The following PICK1 variants were observed in gnomAD, a reference collection of about 807,000 sequenced individuals.
The protein encoded by PICK1 is PRKCA-binding protein.
Under a neutral mutation model 48.9 loss-of-function variants are expected in PICK1, and 23 were observed. That is an observed-to-expected ratio of 0.47 (90% confidence interval 0.34 to 0.67). The LOEUF (loss-of-function observed/expected upper bound fraction) is 0.67. PICK1 is among the 30% of genes least tolerant of loss of function. The pLI is 0.01. For synonymous variants in PICK1, 217 were observed against 228.2 expected (o/e 0.95, Z 0.44); for missense variants, 423 against 557.1 (o/e 0.76, Z 2.42).
Position 38,074,876 on chromosome 22 carries a change from T to C in PICK1, c.992T>C (p.Val331Ala). The C allele has an allele frequency of 1.9e-6, 3 of 1,612,526 alleles. No homozygotes were observed. The highest frequency in any genetic ancestry group is 2.5e-6 in the Non-Finnish European group (3 of 1,179,990). The part of the protein sequence containing the change: ...LLDQKHVQDI[V>A]FQLQRLVSTM... ...CCTCCCACCCCAGTCCAGGACATCG[T>C]GTTCCAGCTGCAGCGCCTCGTGTCC... The change falls in exon 13 of 13, where the codon GTG becomes GCG. Residue 331 changes from valine (V) to alanine (A), a missense_variant. Around this residue, in one of 2 missense-constraint regions of PICK1, gnomAD observed 144 missense variants for 139.3 expected, o/e 1.03. Transcript: ENST00000356976. This position sits in a 1 kb window ranked among gnomAD's most constrained non-coding sequence, Gnocchi z 4.5.
chr22:38,058,008 T>C (rs2085312201), intron 2 of PICK1, 158 bp downstream of exon 2: 1 of 715,302 alleles, frequency 1.4e-6, no homozygotes, highest in Admixed American at 2.0e-5. Context: ...TCACTATTTG[T>C]AGGGGGCTGT....
chr22:38,069,529 T>G (rs915497707), intron 6 of PICK1, among the ~76,000 whole-genome samples: 3 of 152,146 alleles, frequency 2.0e-5, no homozygotes, highest in Admixed American at 6.5e-5. Flanking sequence ...GGGGGAGGCG[T>G]GTACATGCAC....
chr22:38,060,080 G>A (rs1269951208), intron 3 of PICK1, among the ~76,000 whole-genome samples: 3 of 152,188 alleles, frequency 2.0e-5, no homozygotes, highest in East Asian at 1.9e-4. Flanking sequence ...GCGTGGTGGT[G>A]CACGCCTGTA....
Position 38,074,215 on chromosome 22 carries a change from G to A in PICK1, c.835-92G>A. 6.9e-7 allele frequency: 1 copy of A among 1,452,914 alleles called. No homozygotes were observed. Among genetic ancestry groups the A allele is most frequent in the Non-Finnish European group, 9.6e-7 (1 of 1,042,286 alleles). The allele number at this position is 1,452,914 out of a possible 1,614,324, so 90.0% of individuals were successfully genotyped here. ...GAAACACTGAAGTCTCAGAAATGAG[G>A]TCTCAGGAATGAAGAACAGCCGTGG... On this transcript the variant is annotated intron_variant, in intron 11 of 12. Coordinates refer to ENST00000356976, the MANE Select transcript of PICK1 (RefSeq NM_012407.4). The surrounding 1 kb of genome is among the most constrained non-coding windows in gnomAD (Gnocchi z 4.5).
chr22:38,074,801 G>T lies in PICK1; in HGVS notation c.980-63G>T. 1 of 1,592,138 alleles carries T rather than the reference G, an allele frequency of 6.3e-7. No homozygotes were observed. Among genetic ancestry groups the T allele is most frequent in the African/African-American group, 1.3e-5 (1 of 74,876 alleles). The stretch of plus-strand genomic sequence containing the variant: ...GAGGTGGGCCGGGTGGGCTGGGAGA[G>T]TCTCCTCCCTGAGGCAGGCAGCCAG... On this transcript the variant is annotated intron_variant, in intron 12 of 12. Coordinates refer to ENST00000356976, the MANE Select transcript of PICK1 (RefSeq NM_012407.4). This position sits in a 1 kb window ranked among gnomAD's most constrained non-coding sequence, Gnocchi z 4.5.
At chr22:38,060,270 G>C (rs751767675) in intron 3 of PICK1, among the ~76,000 whole-genome samples, 1 of 152,182 alleles carries the variant, frequency 6.6e-6, no homozygotes, top group Non-Finnish European at 1.5e-5. Context: ...TATTTTCCAG[G>C]TAGCTGTACA....
Position 38,066,727 on chromosome 22 carries a change from T to C in PICK1, c.283-977T>C, listed in dbSNP as rs1445418904. ...CTGATTGCATCTGCTCATTTTGGTT[T>C]CCCTTTGGGACTTGATTTTAAAATC... On this transcript the variant is annotated intron_variant, in intron 4 of 12. Coordinates refer to ENST00000356976, the MANE Select transcript of PICK1 (RefSeq NM_012407.4). The surrounding 1 kb of genome is among the most constrained non-coding windows in gnomAD (Gnocchi z 4.1). Among the ~76,000 whole-genome samples the C allele has an allele frequency of 6.6e-6, 1 of 152,268 alleles. No homozygotes were observed. Among genetic ancestry groups the C allele is most frequent in the African/African-American group, 2.4e-5 (1 of 41,476 alleles).
chr22:38,058,106 G>A (rs903303789), intron 2 of PICK1: 2 of 555,850 alleles, frequency 3.6e-6, no homozygotes, highest in Non-Finnish European at 6.5e-6. Context: ...AGATGGAGCA[G>A]TGCTTCTGCT....
intron 6 of PICK1, 44 bp from the exon 7 acceptor site, chr22:38,070,794 C>A (rs761405584): frequency 6.3e-6 from 10 of 1,586,518 alleles, no homozygotes; most frequent in Non-Finnish European, 7.8e-6. Flanking sequence ...CCTCCTGTGG[C>A]TTGCTGAGCC....
chr22:38,063,558 G>T (rs1179161214), intron 3 of PICK1, among the ~76,000 whole-genome samples: 1 of 151,778 alleles, frequency 6.6e-6, no homozygotes, highest in Non-Finnish European at 1.5e-5. Flanking sequence ...ATATATTCTG[G>T]ATATTAATCC....
chr22:38,073,670 C>A lies in PICK1; in HGVS notation c.784-103C>A. ...GCTGCCCGCTCTGGGACTCCCTGAA[C>A]ACCTGCGCCAGCCTCTCCTGCTGCG... is the stretch of plus-strand genomic sequence containing the variant. On this transcript the variant is annotated intron_variant, in intron 10 of 12. Transcript: ENST00000356976. This position sits in a 1 kb window ranked among gnomAD's most constrained non-coding sequence, Gnocchi z 5.7. 1 of 1,074,584 alleles carries A rather than the reference C, an allele frequency of 9.3e-7. No individual in the cohort carries two copies. Among genetic ancestry groups the A allele is most frequent in the Non-Finnish European group, 1.4e-6 (1 of 691,218 alleles). The allele number at this position is 1,074,584 out of a possible 1,614,324, so 66.6% of individuals were successfully genotyped here.
chr22:38,062,847 G>A (rs1392268938), intron 3 of PICK1, among the ~76,000 whole-genome samples: 1 of 152,212 alleles, frequency 6.6e-6, no homozygotes, highest in Non-Finnish European at 1.5e-5. Context: ...CTGTGTGGAA[G>A]TGTGATGGCC....
In PICK1 at chr22:38,074,607, G is replaced by C. The variant is rs544648097; in HGVS notation, c.979+156G>C. ...AGCCTGGCCTGGGTGGAGCTGGCCT[G>C]TGCGCGTGGGCTCCGTGGGCTGCCA... On this transcript the variant is annotated intron_variant, in intron 12 of 12. Transcript: ENST00000356976. The surrounding 1 kb of genome is among the most constrained non-coding windows in gnomAD (Gnocchi z 4.5). Among the ~76,000 whole-genome samples the C allele has an allele frequency of 1.3e-5, 2 of 152,366 alleles. No homozygotes were observed. Among genetic ancestry groups the C allele is most frequent in the South Asian group, 4.1e-4 (2 of 4,830 alleles).
chr22:38,064,708 C>T (rs1364821967), intron 3 of PICK1, among the ~76,000 whole-genome samples: 3 of 152,084 alleles, frequency 2.0e-5, no homozygotes, highest in African/African-American at 4.8e-5. Flanking sequence ...TTGCGGTGAG[C>T]GAGATGGCGC....
intron 3 of PICK1, among the ~76,000 whole-genome samples, chr22:38,062,400 A>G (rs973702163): frequency 6.6e-6 from 1 of 152,014 alleles, no homozygotes; most frequent in Admixed American, 6.6e-5. Context: ...GGCACGTGCC[A>G]CCACGCCTGG....
Position 38,069,027 on chromosome 22 carries a change from G to A in PICK1, c.350-6G>A, listed in dbSNP as rs73419888. On this transcript the variant is annotated splice_polypyrimidine_tract_variant and splice_region_variant and intron_variant, in intron 5 of 12. Transcript: ENST00000356976. Reference sequence around the variant, plus strand: ...AGACTCACCAGGTCCTTTGTCCCCCGCTCAGTGTTGAAGAAAGTCAAGCAC... The same window carrying A: ...AGACTCACCAGGTCCTTTGTCCCCCACTCAGTGTTGAAGAAAGTCAAGCAC... 562 of 1,610,688 alleles carry A rather than the reference G, an allele frequency of 3.5e-4. No individual in the cohort carries two copies. The African/African-American group carries it at 5.4e-3, about 15-fold the overall frequency.
chr22:38,061,322 T>C (rs738442), intron 3 of PICK1, among the ~76,000 whole-genome samples: 107,952 of 151,908 alleles, frequency 0.71, 39,749 homozygotes, highest in African/African-American at 0.92. Flanking sequence ...GCCTGGGCAG[T>C]TGAGTGAGAC....
intron 2 of PICK1, among the ~76,000 whole-genome samples, chr22:38,058,359 A>G (rs116875767): frequency 0.014 from 2,171 of 152,312 alleles, 25 homozygotes; most frequent in South Asian, 0.034. Context: ...GAATAAGTGA[A>G]TCAGCGTGAG....
rs1380030831 is a variant in PICK1, at chr22:38,066,358, C to T, written c.282+1228C>T. Among the ~76,000 whole-genome samples the T allele has an allele frequency of 6.6e-6, 1 of 152,204 alleles. No individual in the cohort carries two copies. The highest frequency in any genetic ancestry group is 2.4e-5 in the African/African-American group (1 of 41,452). Reference sequence around the variant, plus strand: ...CCTTCCCCCCTCCGCATCTCCTCCCCATCTCCACTCGCCAGGTCCCTCCCT... The same window carrying T: ...CCTTCCCCCCTCCGCATCTCCTCCCTATCTCCACTCGCCAGGTCCCTCCCT... On this transcript the variant is annotated intron_variant, in intron 4 of 12. Transcript: ENST00000356976. This position sits in a 1 kb window ranked among gnomAD's most constrained non-coding sequence, Gnocchi z 4.1.
Sources: allele counts gnomAD v4.1 joint callset (sites outside exome capture counted in the v4.1 genomes callset), GRCh38; gene constraint gnomAD v4.1.1; regional missense constraint gnomAD v4.1.1; non-coding constraint Gnocchi (gnomAD v3.1); transcripts MANE v1.5; gene names NCBI Gene and HGNC (gene_info 2026-07-23, HGNC 2026-07-21).